Variants in DAB1 observed in about 807,000 individuals in gnomAD.
DAB1 encodes the protein disabled homolog 1.
In DAB1, 15 loss-of-function variants were observed where a neutral mutation model predicts 64.6. The ratio of observed to expected loss-of-function variants is 0.23; its 90% CI spans 0.16 to 0.36. The LOEUF is 0.36. Among genes scored for constraint, DAB1 ranks in the 10% least tolerant of loss-of-function variants. The pLI, the probability that DAB1 is intolerant of heterozygous loss-of-function variation, is 1.00. For missense variants in DAB1, 596 were observed against 706.7 expected, an observed-to-expected ratio of 0.84 and a Z score of 1.78; for synonymous variants, 235 against 251.9, an observed-to-expected ratio of 0.93 and a Z score of 0.64.
At chr1:57,086,373 A>C (rs2100644349) in intron 4 of DAB1, among the ~76,000 whole-genome samples, 1 of 152,224 alleles carries the variant, frequency 6.6e-6, no homozygotes, top group East Asian at 1.9e-4. Context: ...AGGCGAACAG[A>C]TGGTTACAAA....
At position 58,374,927 on chromosome 1, in the gene DAB1, A is replaced by T. The variant is rs1198755793; in HGVS notation, n.258-31524T>A. ...TGTAAGTTGGATTCCTAGCTATTTTATTCTCTTTGAAGCAATTGTGAATGG... is the reference window on the plus strand; with the variant it reads ...TGTAAGTTGGATTCCTAGCTATTTTTTTCTCTTTGAAGCAATTGTGAATGG... On this transcript the variant is annotated intron_variant and non_coding_transcript_variant, in intron 3 of 20. Transcript: ENST00000485760. 4.3e-5 allele frequency among the ~76,000 whole-genome samples: 6 copies of T among 138,220 alleles called. 2 individuals carry two copies. Among genetic ancestry groups the T allele is most frequent in the African/African-American group, 1.4e-4 (5 of 35,754 alleles). The allele number at this position is 138,220 out of a possible 152,430, so 90.7% of individuals were successfully genotyped here. A position where few individuals can be genotyped will look rare whatever the true frequency, so the allele number is the denominator to read the frequency against.
At chr1:57,076,329 T>C (rs970043176) in intron 4 of DAB1, among the ~76,000 whole-genome samples, 2 of 152,182 alleles carry the variant, frequency 1.3e-5, no homozygotes, top group Non-Finnish European at 2.9e-5. Flanking sequence ...AAAACCGTTA[T>C]TGTCTTGGGA....
intron 7 of DAB1, among the ~76,000 whole-genome samples, chr1:57,523,376 C>G (rs570047675): frequency 1.1e-4 from 16 of 152,260 alleles, no homozygotes; most frequent in Admixed American, 4.6e-4. Context: ...TGTTGATAAG[C>G]TTCTCTCTGC....
intron 5 of DAB1, among the ~76,000 whole-genome samples, chr1:58,133,176 C>T (rs531562857): frequency 2.2e-4 from 33 of 152,190 alleles, no homozygotes; most frequent in Admixed American, 4.6e-4. Flanking sequence ...TGCACAACGA[C>T]TTTTTTAGTC....
intron 3 of DAB1, among the ~76,000 whole-genome samples, chr1:58,444,060 T>C (rs1645040237): frequency 6.6e-6 from 1 of 152,222 alleles, no homozygotes; most frequent in African/African-American, 2.4e-5. Context: ...TGACTTGTTG[T>C]TATTACTCTC....
chr1:58,124,906 G>A (rs1016338957), intron 5 of DAB1, among the ~76,000 whole-genome samples: 3 of 152,170 alleles, frequency 2.0e-5, no homozygotes, highest in Non-Finnish European at 4.4e-5. Context: ...CATGGTAACT[G>A]CTATAGTATG....
At chr1:58,064,679 A>AT (rs745846918) in intron 5 of DAB1, among the ~76,000 whole-genome samples, 3 of 151,890 alleles carry the variant, frequency 2.0e-5, no homozygotes, top group African/African-American at 4.8e-5. Context: ...CCATAGATAA[A>AT]TTTTTTTATT....
intron 3 of DAB1, among the ~76,000 whole-genome samples, chr1:58,392,710 C>T (rs899902481): frequency 6.6e-6 from 1 of 152,236 alleles, no homozygotes; most frequent in Admixed American, 6.5e-5. Flanking sequence ...GATTCCCAAA[C>T]CTCAGCACTT....
intron 1 of DAB1, among the ~76,000 whole-genome samples, chr1:57,828,166 C>T (rs1652438553): frequency 6.6e-6 from 1 of 152,012 alleles, no homozygotes; most frequent in South Asian, 2.1e-4. Flanking sequence ...AGGATGGTCT[C>T]GATCTCCTGA....
intron 3 of DAB1, among the ~76,000 whole-genome samples, chr1:58,406,980 T>C (rs1569736539): frequency 6.6e-6 from 1 of 152,168 alleles, no homozygotes; most frequent in South Asian, 2.1e-4. Flanking sequence ...AGGGTGGGCG[T>C]GCTAATGTTA....
At chr1:57,475,915 C>A (rs558370592) in intron 7 of DAB1, among the ~76,000 whole-genome samples, 2 of 152,246 alleles carry the variant, frequency 1.3e-5, no homozygotes, top group South Asian at 4.1e-4. Flanking sequence ...GTACTTGGAG[C>A]TTAGGAATGT....
chr1:58,171,624 C>A (rs1176140716), intron 4 of DAB1, among the ~76,000 whole-genome samples: 1 of 152,210 alleles, frequency 6.6e-6, no homozygotes. Context: ...TTTCTCTTTG[C>A]CTTTGAAGAT....
chr1:58,216,031 T>C (rs911126439), intron 4 of DAB1, among the ~76,000 whole-genome samples: 3 of 152,148 alleles, frequency 2.0e-5, no homozygotes, highest in Admixed American at 6.5e-5. Context: ...CAACTCTTTT[T>C]ATTATTATTT....
At chr1:57,593,300 T>C (rs939442990) in intron 7 of DAB1, among the ~76,000 whole-genome samples, 1 of 152,246 alleles carries the variant, frequency 6.6e-6, no homozygotes, top group Non-Finnish European at 1.5e-5. Context: ...TGGCATAATG[T>C]CAAGGTTCAT....
chr1:57,355,678 T>C (rs564494566), intron 1 of DAB1, among the ~76,000 whole-genome samples: 8 of 152,146 alleles, frequency 5.3e-5, no homozygotes, highest in East Asian at 1.9e-4. Context: ...TGGTATTTCA[T>C]GGTATTTTCA....
At chr1:57,401,222 G>C (rs1683216764) in intron 1 of DAB1, among the ~76,000 whole-genome samples, 1 of 152,012 alleles carries the variant, frequency 6.6e-6, no homozygotes, top group Admixed American at 6.6e-5. Flanking sequence ...TATTTTACAT[G>C]GTATAAGTAT....
At chr1:57,278,512 G>C (rs930988360) in intron 2 of DAB1, among the ~76,000 whole-genome samples, 3 of 152,140 alleles carry the variant, frequency 2.0e-5, no homozygotes, top group African/African-American at 7.2e-5. Context: ...ACAGAAGAAA[G>C]GAATAAGAGC....
rs372424778 is a variant in DAB1, at chr1:57,650,461, G to C, written n.552-796C>G. Among the ~76,000 whole-genome samples, 523 of 57,032 alleles carry C rather than the reference G, an allele frequency of 9.2e-3. 4 individuals are homozygous for C. The highest frequency in any genetic ancestry group is 0.022 in the African/African-American group (483 of 21,560). 37.4% of individuals were successfully genotyped at this position (57,032 alleles called of 152,430 possible). A position where few individuals can be genotyped will look rare whatever the true frequency, so the allele number is the denominator to read the frequency against. On this transcript the variant is annotated intron_variant and non_coding_transcript_variant, in intron 6 of 20. Coordinates refer to the DAB1 transcript ENST00000485760. ...TGTAAGAGGGAAACACCAAATAGAGGAATAAAAAAAATTGGTATTTCTGCA... is the reference window on the plus strand; with the variant it reads ...TGTAAGAGGGAAACACCAAATAGAGCAATAAAAAAAATTGGTATTTCTGCA...
chr1:57,476,234 A>C (rs146940786), intron 7 of DAB1, among the ~76,000 whole-genome samples: 1,721 of 151,894 alleles, frequency 0.011, 29 homozygotes, highest in Middle Eastern at 0.038. Context: ...TTCAAAAAAA[A>C]AAAAAACAAA....
Sources: gnomAD v4.1 joint callset for allele counts (sites outside exome capture counted in the v4.1 genomes callset) on GRCh38, gnomAD v4.1.1 for gene constraint, MANE v1.5 for transcripts, NCBI Gene and HGNC (gene_info 2026-07-23, HGNC 2026-07-21) for gene names.